PPP1R8: variants seen among roughly 807,000 people sequenced by gnomAD.
PPP1R8 encodes protein phosphatase 1 regulatory subunit 8, also known as nuclear inhibitor of protein phosphatase 1.
Under a neutral mutation model 31.3 loss-of-function variants are expected in PPP1R8, and 4 were observed. The observed-to-expected ratio is 0.13, with a 90% confidence interval of 0.06 to 0.29. The LOEUF (loss-of-function observed/expected upper bound fraction) is 0.29. PPP1R8 is among the 10% of genes least tolerant of loss of function. The pLI, the probability that PPP1R8 is intolerant of heterozygous loss-of-function variation, is 1.00. For synonymous variants in PPP1R8, 170 were observed against 169.7 expected, an observed-to-expected ratio of 1.00 and a Z score of -0.01; for missense variants, 254 against 440.1, an observed-to-expected ratio of 0.58 and a Z score of 3.78.
chr1:27,838,908 T>C, intron 3 of PPP1R8, 56 bp downstream of exon 3: 1 of 1,388,118 alleles, frequency 7.2e-7, no homozygotes, highest in South Asian at 1.7e-5. Context: ...AAAATACTCT[T>C]TGGGTTCTTT....
intron 6 of PPP1R8, 67 bp downstream of exon 6, chr1:27,847,159 G>C (rs1287065156): frequency 3.3e-6 from 5 of 1,493,398 alleles, no homozygotes; most frequent in South Asian, 1.1e-5. Flanking sequence ...AGGCGCGTTG[G>C]CTTATGCCTG....
In PPP1R8 at chr1:27,836,540, G is replaced by A. The variant is rs569464818; in HGVS notation, c.118-2159G>A. Reference sequence around the variant, plus strand: ...TGCCATTCTCCTGCCTCAGCCTCCCGAGTAGCTGGGACTACAGGCACCTGC... The same window carrying A: ...TGCCATTCTCCTGCCTCAGCCTCCCAAGTAGCTGGGACTACAGGCACCTGC... On this transcript the variant is annotated intron_variant, in intron 2 of 6. Transcript: ENST00000311772. 1.6e-3 allele frequency among the ~76,000 whole-genome samples: 236 copies of A among 151,996 alleles called. 1 individual carries two copies. The highest frequency in any genetic ancestry group is 5.4e-3 in the African/African-American group (222 of 41,492).
Position 27,831,839 on chromosome 1 carries a change from C to A in PPP1R8, c.57-917C>A, listed in dbSNP as rs546758170. ...TGTGTTGAATCTTCAGTTAGCTAGA[C>A]AAGGATACGTTTTTTCATGTGCAAA... is the stretch of plus-strand genomic sequence containing the variant. On this transcript the variant is annotated intron_variant, in intron 1 of 6. Coordinates refer to ENST00000311772, the MANE Select transcript of PPP1R8 (RefSeq NM_014110.5). 3.3e-5 allele frequency among the ~76,000 whole-genome samples: 5 copies of A among 152,310 alleles called. No individual in the cohort carries two copies. In the South Asian group the frequency reaches 8.3e-4, roughly 25 times the overall value.
At chr1:27,840,986 C>T (rs751088948) in intron 3 of PPP1R8, 28 bp from the exon 4 acceptor site, 2 of 1,609,958 alleles carry the variant, frequency 1.2e-6, no homozygotes, top group South Asian at 1.1e-5. Flanking sequence ...TGTTTTCCCC[C>T]TTACGTTTCT....
intron 2 of PPP1R8, among the ~76,000 whole-genome samples, chr1:27,838,139 A>C (rs1015934375): frequency 6.7e-6 from 1 of 149,798 alleles, no homozygotes; most frequent in African/African-American, 2.5e-5. Flanking sequence ...TGAACGCAGG[A>C]GTTGGAGGTT....
intron 6 of PPP1R8, 83 bp downstream of exon 6, chr1:27,847,175 C>T: frequency 2.1e-6 from 3 of 1,397,082 alleles, no homozygotes; most frequent in Non-Finnish European, 3.0e-6. Flanking sequence ...GCCTGTAATC[C>T]AAGCACTTTG....
chr1:27,838,665 G>T lies in PPP1R8; in HGVS notation c.118-34G>T, dbSNP rs757093768. The T allele has an allele frequency of 8.1e-6, 11 of 1,351,366 alleles. No individual in the cohort carries two copies. The African/African-American group carries it at 1.5e-4, about 18-fold the overall frequency. The allele number at this position is 1,351,366 out of a possible 1,614,324, so 83.7% of individuals were successfully genotyped here. On this transcript the variant is annotated intron_variant, in intron 2 of 6. Transcript: ENST00000311772. ...TTTTTGGTAAATGCTGTTGAAACAAGATTTAAGTAATATTTAATTTAATAT... is the reference window on the plus strand; with the variant it reads ...TTTTTGGTAAATGCTGTTGAAACAATATTTAAGTAATATTTAATTTAATAT...
At chr1:27,833,259 G>A (rs1200601141) in intron 2 of PPP1R8, among the ~76,000 whole-genome samples, 1 of 152,172 alleles carries the variant, frequency 6.6e-6, no homozygotes, top group African/African-American at 2.4e-5. Context: ...TACTCAAAAA[G>A]ATAATGGAAT....
chr1:27,835,781 C>T (rs1354778812), intron 2 of PPP1R8, among the ~76,000 whole-genome samples: 1 of 152,180 alleles, frequency 6.6e-6, no homozygotes, highest in East Asian at 1.9e-4. Context: ...GAATTTCTAA[C>T]CCGGCCCACA....
chr1:27,850,475 T>TTG lies in PPP1R8; in HGVS notation c.*29_*30insTG. 4 of 451,320 alleles carry TTG rather than the reference T, an allele frequency of 8.9e-6. No homozygotes were observed. Among genetic ancestry groups the TTG allele is most frequent in the Non-Finnish European group, 1.4e-5 (3 of 217,214 alleles). The allele number at this position is 451,320 out of a possible 1,614,324, so 28.0% of individuals were successfully genotyped here. ...TTTTGGTCATGGAGAAGGGTGGGAT[T>TTG]GGGTGGGAATGGGGTGGAAGGGTGA... is the stretch of plus-strand genomic sequence containing the variant. On this transcript the variant is annotated 3_prime_UTR_variant, in exon 7 of 7. Coordinates refer to ENST00000311772, the MANE Select transcript of PPP1R8 (RefSeq NM_014110.5).
intron 2 of PPP1R8, among the ~76,000 whole-genome samples, chr1:27,836,510 G>A (rs2089167344): frequency 6.6e-6 from 1 of 152,198 alleles, no homozygotes; most frequent in East Asian, 1.9e-4. Flanking sequence ...TGCCTCCCGG[G>A]CTCATGCCAT....
intron 3 of PPP1R8, among the ~76,000 whole-genome samples, chr1:27,840,680 G>A (rs894512680): frequency 1.3e-5 from 2 of 152,110 alleles, no homozygotes; most frequent in African/African-American, 4.8e-5. Context: ...AGCAGAGAAC[G>A]GTCAGTGGTA....
intron 6 of PPP1R8, among the ~76,000 whole-genome samples, chr1:27,848,496 A>G (rs1364686584): frequency 1.3e-5 from 2 of 152,194 alleles, no homozygotes; most frequent in Admixed American, 6.5e-5. Context: ...GATAGCTAGA[A>G]CTGTCCAAAC....
At chr1:27,831,761 C>T (rs989265984) in intron 1 of PPP1R8, among the ~76,000 whole-genome samples, 2 of 152,046 alleles carry the variant, frequency 1.3e-5, no homozygotes, top group East Asian at 3.8e-4. Context: ...GCCTTTTGTC[C>T]GGTGCATTGT....
rs543321881 is a variant in PPP1R8, at chr1:27,843,599, G to T, written c.637+269G>T. Among the ~76,000 whole-genome samples the T allele has an allele frequency of 1.5e-4, 22 of 151,446 alleles. No homozygotes were observed. The South Asian group carries it at 4.6e-3, about 32-fold the overall frequency. On this transcript the variant is annotated intron_variant, in intron 5 of 6. Coordinates refer to ENST00000311772, the MANE Select transcript of PPP1R8 (RefSeq NM_014110.5). ...TGCTTGAACCCAGGAGGCAGAAGCT[G>T]CAGTGAGCCGGGATTGTGCCATTGC...
chr1:27,835,020 A>AT (rs2089149345), intron 2 of PPP1R8, among the ~76,000 whole-genome samples: 1 of 152,344 alleles, frequency 6.6e-6, no homozygotes, highest in African/African-American at 2.4e-5. Context: ...TCCATCTCAA[A>AT]AAAAAAATTC....
chr1:27,844,095 C>T (rs2148618669), intron 5 of PPP1R8, among the ~76,000 whole-genome samples: 1 of 152,096 alleles, frequency 6.6e-6, no homozygotes, highest in East Asian at 1.9e-4. Context: ...CTTGACCACC[C>T]AGGCTCAGGT....
At chr1:27,835,951 G>A (rs898923281) in intron 2 of PPP1R8, among the ~76,000 whole-genome samples, 2 of 152,218 alleles carry the variant, frequency 1.3e-5, no homozygotes, top group East Asian at 3.8e-4. Context: ...GCATAGAAGC[G>A]CCTAGCAGTT....
chr1:27,843,015 T>C (rs1451807815), intron 4 of PPP1R8, among the ~76,000 whole-genome samples, 171 bp from the exon 5 acceptor site: 1 of 152,254 alleles, frequency 6.6e-6, no homozygotes, highest in Non-Finnish European at 1.5e-5. Context: ...GACTTGTTAG[T>C]ATTCGTAGTC....
Sources: allele counts gnomAD v4.1 joint callset (sites outside exome capture counted in the v4.1 genomes callset), GRCh38; gene constraint gnomAD v4.1.1; transcripts MANE v1.5; gene names NCBI Gene and HGNC (gene_info 2026-07-23, HGNC 2026-07-21).